PDE4A: variants seen among roughly 807,000 people sequenced by gnomAD.
PDE4A encodes phosphodiesterase 4A, also known as 3',5'-cyclic-AMP phosphodiesterase 4A.
A neutral mutation model predicts 73.9 loss-of-function variants in PDE4A; 21 were observed. The observed-to-expected ratio is 0.28, with a 90% CI of 0.20 to 0.41. PDE4A has a LOEUF of 0.41. Ranked by LOEUF, PDE4A falls within the 10% of genes least tolerant of loss-of-function variation. The pLI is 1.00. For synonymous variants in PDE4A, 463 were observed against 505.4 expected, an observed-to-expected ratio of 0.92 and a Z score of 1.13; for missense variants, 958 against 1,211.4, an observed-to-expected ratio of 0.79 and a Z score of 3.10.
At chr19:10,432,529 G>T (rs2042808782) in intron 1 of PDE4A, 1 of 1,525,648 alleles carries the variant, frequency 6.6e-7, no homozygotes. Context: ...TTCCCCTTCA[G>T]CGATGAGGAC....
chr19:10,452,906 G>A, intron 6 of PDE4A: 29 of 1,007,238 alleles, frequency 2.9e-5, no homozygotes, highest in Non-Finnish European at 3.4e-5. Context: ...CATGCAGCCT[G>A]CCAGTGCTGC....
intron 7 of PDE4A, 37 bp downstream of exon 7, chr19:10,454,959 C>T (rs2043148190): frequency 1.2e-6 from 2 of 1,605,118 alleles, no homozygotes; most frequent in Non-Finnish European, 1.7e-6. Context: ...GGAGGGGGGA[C>T]ATTTGGGGTA....
upstream of PDE4A, chr19:10,418,992 C>A: frequency 1.0e-6 from 1 of 983,090 alleles, no homozygotes; most frequent in Non-Finnish European, 1.2e-6. Flanking sequence ...GCTCGGCGTT[C>A]GCCCACGCCG....
rs2043071890 is a variant in PDE4A at position 10,450,463 on chromosome 19, G to A, written c.621-140G>A. ...TTTTCTGGGACTCATTGAGGCTGCA[G>A]GCAGAGTACATGGCAGCGTCCTTAG... On this transcript the variant is annotated intron_variant, in intron 4 of 14. Transcript: ENST00000380702. 2.8e-6 allele frequency: 4 copies of A among 1,430,432 alleles called. No individual in the cohort carries two copies. In the South Asian group the frequency reaches 4.5e-5, roughly 16 times the overall value. The allele number at this position is 1,430,432 out of a possible 1,614,324, so 88.6% of individuals were successfully genotyped here.
At position 10,428,946 on chromosome 19, in the gene PDE4A, A is replaced by G. The variant is rs1450163333; in HGVS notation, c.320+7862A>G. ...GTGAAACCCCATTTCTACTAAAAATACAAGAAAAATTTGCCAGGTATTGTG... is the reference window on the plus strand; with the variant it reads ...GTGAAACCCCATTTCTACTAAAAATGCAAGAAAAATTTGCCAGGTATTGTG... On this transcript the variant is annotated intron_variant, in intron 1 of 14. Coordinates refer to ENST00000380702, the MANE Select transcript of PDE4A (RefSeq NM_001111307.2). The G allele has an allele frequency of 5.3e-6, 5 of 949,738 alleles. No homozygotes were observed. In the South Asian group the frequency reaches 1.9e-4, roughly 37 times the overall value. 58.8% of individuals were successfully genotyped at this position (949,738 alleles called of 1,614,324 possible). A position where few individuals can be genotyped will look rare whatever the true frequency, so the allele number is the denominator to read the frequency against.
chr19:10,463,382 G>T (rs947077760), intron 13 of PDE4A, among the ~76,000 whole-genome samples: 1 of 145,356 alleles, frequency 6.9e-6, no homozygotes. Flanking sequence ...GAGCCACCGC[G>T]CCCAGCCCCA....
intron 1 of PDE4A, among the ~76,000 whole-genome samples, chr19:10,428,392 G>T (rs946180561): frequency 1.7e-4 from 23 of 137,746 alleles, no homozygotes; most frequent in South Asian, 4.7e-4. Flanking sequence ...GAGAGAGAGA[G>T]ATATTGAGAG....
intron 12 of PDE4A, 38 bp downstream of exon 12, chr19:10,461,718 GC>G: frequency 6.2e-7 from 1 of 1,609,036 alleles, no homozygotes. Flanking sequence ...GGGAAAGGAA[GC>G]CTAGGAGTCG....
intron 2 of PDE4A, 185 bp from the exon 3 acceptor site, chr19:10,448,732 T>G (rs1163211298): frequency 1.3e-6 from 1 of 786,718 alleles, no homozygotes; most frequent in Non-Finnish European, 1.5e-6. Flanking sequence ...ACTCCTTGAC[T>G]GCCATTTCTT....
chr19:10,450,137 C>T (rs530800434), intron 4 of PDE4A, among the ~76,000 whole-genome samples: 1 of 152,244 alleles, frequency 6.6e-6, no homozygotes, highest in African/African-American at 2.4e-5. Flanking sequence ...ACAATAATGC[C>T]TCCCTTAGAT....
intron 1 of PDE4A, among the ~76,000 whole-genome samples, chr19:10,443,926 G>C (rs1467357027): frequency 6.6e-6 from 1 of 150,724 alleles, no homozygotes; most frequent in Non-Finnish European, 1.5e-5. Flanking sequence ...AGAATTGATT[G>C]AGCCCAGGAG....
At chr19:10,461,472 T>G (rs532581754) in intron 11 of PDE4A, 54 bp from the exon 12 acceptor site, 6 of 1,595,966 alleles carry the variant, frequency 3.8e-6, no homozygotes, top group East Asian at 2.2e-5. Context: ...CTGGCCCTCC[T>G]GCGGTTGGAG....
At chr19:10,457,027 A>G (rs1325614043) in intron 7 of PDE4A, among the ~76,000 whole-genome samples, 1 of 152,008 alleles carries the variant, frequency 6.6e-6, no homozygotes, top group Non-Finnish European at 1.5e-5. Context: ...ATGAAACTCC[A>G]TCTCTACTAA....
chr19:10,429,781 T>C (rs1489176672), intron 1 of PDE4A, among the ~76,000 whole-genome samples: 1 of 152,138 alleles, frequency 6.6e-6, no homozygotes, highest in Non-Finnish European at 1.5e-5. Flanking sequence ...AATCTAGTTG[T>C]GTCCCTGGGG....
chr19:10,432,335 G>C (rs1372183732), intron 1 of PDE4A: 9 of 1,271,134 alleles, frequency 7.1e-6, no homozygotes, highest in Non-Finnish European at 8.9e-6. Context: ...AGGCGGTGCC[G>C]GCAGTGGAGG....
At position 10,467,458 on chromosome 19, in the gene PDE4A, CCCCGGGCCT is replaced by C. The variant is rs747376078; in HGVS notation, c.2511_2519del (p.Gly838_Pro840del). On this transcript the variant is annotated inframe_deletion, in exon 15 of 15. Coordinates refer to ENST00000380702, the MANE Select transcript of PDE4A (RefSeq NM_001111307.2). ...AGGACCCTGTCTGTTTCAGAGCATG[CCCCGGGCCT>C]CCCGGGCCTCCCCTCCACGGCGGCC... The C allele has an allele frequency of 4.3e-6, 7 of 1,613,200 alleles. No homozygotes were observed. The highest frequency in any genetic ancestry group is 2.2e-5 in the South Asian group (2 of 91,066).
At position 10,460,988 on chromosome 19, in the gene PDE4A, G is replaced by T; in HGVS notation, c.1366-16G>T. The T allele has an allele frequency of 6.2e-7, 1 of 1,606,816 alleles. No individual in the cohort carries two copies. Among genetic ancestry groups the T allele is most frequent in the Admixed American group, 1.7e-5 (1 of 59,804 alleles). On this transcript the variant is annotated splice_polypyrimidine_tract_variant and intron_variant, in intron 10 of 14. Coordinates refer to ENST00000380702, the MANE Select transcript of PDE4A (RefSeq NM_001111307.2). Reference sequence around the variant, plus strand: ...CTTCAACTCTGTTATTCTAACATCCGTGTCTCTGCTCCCAGGCAGTGTTCA... The same window carrying T: ...CTTCAACTCTGTTATTCTAACATCCTTGTCTCTGCTCCCAGGCAGTGTTCA...
chr19:10,452,227 G>A (rs2043102424), intron 6 of PDE4A, among the ~76,000 whole-genome samples: 1 of 151,886 alleles, frequency 6.6e-6, no homozygotes, highest in Admixed American at 6.6e-5. Context: ...ATCACCTGAG[G>A]TCGGGAGTTC....
Position 10,458,184 on chromosome 19 carries a change from T to A in PDE4A, c.1101+82T>A. On this transcript the variant is annotated intron_variant, in intron 8 of 14. Coordinates refer to ENST00000380702, the MANE Select transcript of PDE4A (RefSeq NM_001111307.2). This position sits in a 1 kb window ranked among gnomAD's most constrained non-coding sequence, Gnocchi z 4.6. ...GAAGGACTGGGCATTGGGTTATGTCTTAGGCCAGGTTTCCCAGAAGCAGAG... is the reference window on the plus strand; with the variant it reads ...GAAGGACTGGGCATTGGGTTATGTCATAGGCCAGGTTTCCCAGAAGCAGAG... The A allele has an allele frequency of 7.6e-7, 1 of 1,317,022 alleles. No homozygotes were observed. The highest frequency in any genetic ancestry group is 1.1e-6 in the Non-Finnish European group (1 of 935,776). 81.6% of individuals were successfully genotyped at this position (1,317,022 alleles called of 1,614,324 possible). A position where few individuals can be genotyped will look rare whatever the true frequency, so the allele number is the denominator to read the frequency against.
Sources: allele counts gnomAD v4.1 joint callset (sites outside exome capture counted in the v4.1 genomes callset), GRCh38; gene constraint gnomAD v4.1.1; non-coding constraint Gnocchi (gnomAD v3.1); transcripts MANE v1.5; gene names NCBI Gene and HGNC (gene_info 2026-07-23, HGNC 2026-07-21).